Variants in IL1RAPL2 observed in about 807,000 individuals in gnomAD.
IL1RAPL2 encodes X-linked interleukin-1 receptor accessory protein-like 2.
A neutral mutation model predicts 44.1 loss-of-function variants in IL1RAPL2; 3 were observed. The ratio of observed to expected loss-of-function variants is 0.07; its 90% CI spans 0.03 to 0.18. The LOEUF (loss-of-function observed/expected upper bound fraction) is 0.18. Among genes scored for constraint, IL1RAPL2 ranks in the 10% least tolerant of loss-of-function variants. IL1RAPL2 has a pLI of 1.00. For missense variants in IL1RAPL2, 391 were observed against 496.4 expected (o/e 0.79, Z 2.02); for synonymous variants, 181 against 178.8 (o/e 1.01, Z -0.10).
chrX:105,300,323 G>C (rs1261032587), intron 5 of IL1RAPL2, among the ~76,000 whole-genome samples: 1 of 111,175 alleles, frequency 9.0e-6, no homozygotes, highest in Non-Finnish European at 1.9e-5. Context: ...AATCATGTCA[G>C]AAGGCAAAGT....
chrX:105,631,136 A>C (rs2037489206), intron 6 of IL1RAPL2, among the ~76,000 whole-genome samples: 1 of 111,317 alleles, frequency 9.0e-6, no homozygotes, highest in Non-Finnish European at 1.9e-5. Flanking sequence ...CCTTTTGCAC[A>C]TAAATCTAAT....
At chrX:104,647,196 GC>G in intron 1 of IL1RAPL2, 1 of 329,809 alleles carries the variant, frequency 3.0e-6, no homozygotes. Context: ...GGCAGGGTGG[GC>G]CCCCACTGGG....
intron 5 of IL1RAPL2, among the ~76,000 whole-genome samples, chrX:105,358,049 A>AG (rs1343834946): frequency 1.9e-5 from 2 of 103,290 alleles, no homozygotes; most frequent in African/African-American, 3.6e-5. Flanking sequence ...AAAAAAAAAA[A>AG]AAAAAAAAAA....
intron 6 of IL1RAPL2, among the ~76,000 whole-genome samples, chrX:105,497,423 C>A: frequency 9.0e-6 from 1 of 111,225 alleles, no homozygotes; most frequent in Admixed American, 9.5e-5. Flanking sequence ...ATCCCAGGAC[C>A]AGATGGCATT....
chrX:105,355,964 G>C (rs930018153), intron 5 of IL1RAPL2, among the ~76,000 whole-genome samples: 1 of 111,258 alleles, frequency 9.0e-6, no homozygotes, highest in African/African-American at 3.3e-5. Flanking sequence ...AGTATTGATT[G>C]TTTATAGCCT....
intron 6 of IL1RAPL2, among the ~76,000 whole-genome samples, chrX:105,712,660 C>CCATGATACT (rs2038220696): frequency 9.0e-6 from 1 of 110,933 alleles, no homozygotes; most frequent in Non-Finnish European, 1.9e-5. Flanking sequence ...AAAACTGCCC[C>CCATGATACT]CATGATACAA....
chrX:104,568,093 T>A (rs1928074172), intron 1 of IL1RAPL2, among the ~76,000 whole-genome samples: 1 of 111,381 alleles, frequency 9.0e-6, no homozygotes, highest in Non-Finnish European at 1.9e-5. Context: ...TCACAGGTGT[T>A]TTTTTTAGGG....
At chrX:105,561,827 G>A (rs1352268390) in intron 6 of IL1RAPL2, among the ~76,000 whole-genome samples, 2 of 111,825 alleles carry the variant, frequency 1.8e-5, no homozygotes, top group Non-Finnish European at 3.8e-5. Flanking sequence ...AAAAAAAGCA[G>A]GGAAGCTTTG....
intron 6 of IL1RAPL2, among the ~76,000 whole-genome samples, chrX:105,665,726 G>T (rs1163753369): frequency 1.5e-3 from 111 of 75,091 alleles, no homozygotes; most frequent in Middle Eastern, 6.9e-3. Context: ...TTTTATTTTT[G>T]TTTTTTTGTT....
intron 2 of IL1RAPL2, among the ~76,000 whole-genome samples, chrX:105,144,785 A>G (rs1223451199): frequency 9.0e-6 from 1 of 111,435 alleles, no homozygotes; most frequent in African/African-American, 3.3e-5. Context: ...AACTGCTAAA[A>G]TTGTATTGGT....
intron 2 of IL1RAPL2, among the ~76,000 whole-genome samples, chrX:105,160,487 A>G (rs932242851): frequency 9.0e-6 from 1 of 111,602 alleles, no homozygotes; most frequent in African/African-American, 3.3e-5. Flanking sequence ...ATTATGTGTA[A>G]TATATATTTT....
chrX:105,675,869 T>C (rs1386335621), intron 6 of IL1RAPL2, among the ~76,000 whole-genome samples: 3 of 112,091 alleles, frequency 2.7e-5, no homozygotes, highest in Non-Finnish European at 3.8e-5. Context: ...GGATTCAACC[T>C]ATTCCTGGTT....
At chrX:105,352,980 G>A (rs1261977027) in intron 5 of IL1RAPL2, among the ~76,000 whole-genome samples, 25 of 110,917 alleles carry the variant, frequency 2.3e-4, no homozygotes, top group Non-Finnish European at 3.4e-4. Context: ...CATTGCTTTT[G>A]GTGTTTTTGT....
At position 105,522,639 on chromosome X, in the gene IL1RAPL2, G is replaced by C. The variant is rs1047734100; in HGVS notation, c.772+38252G>C. On this transcript the variant is annotated intron_variant, in intron 6 of 10. Transcript: ENST00000372582. ...TTATAATCAATGGGGAGCTTTAAAA[G>C]GTATTCTTGACTTGATCTTACATCC... Among the ~76,000 whole-genome samples, 6 of 111,993 alleles carry C rather than the reference G, an allele frequency of 5.4e-5. No homozygotes were observed. In the Admixed American group the frequency reaches 5.7e-4, roughly 11 times the overall value.
chrX:104,843,720 C>T (rs1351742954), intron 2 of IL1RAPL2, among the ~76,000 whole-genome samples: 1 of 108,988 alleles, frequency 9.2e-6, no homozygotes, highest in Non-Finnish European at 1.9e-5. Flanking sequence ...CCATGAGTTG[C>T]ACCCACTGCC....
chrX:104,582,692 TTC>T (rs201958180), intron 1 of IL1RAPL2, among the ~76,000 whole-genome samples: 90 of 98,349 alleles, frequency 9.2e-4, no homozygotes, highest in African/African-American at 3.1e-3. Context: ...CTTTCTTTCT[TTC>T]TCTCTCTCTC....
chrX:104,613,102 A>G (rs1394813384), intron 1 of IL1RAPL2, among the ~76,000 whole-genome samples: 1 of 112,275 alleles, frequency 8.9e-6, no homozygotes, highest in Non-Finnish European at 1.9e-5. Flanking sequence ...TAGGTATAGA[A>G]TTATATCATC....
intron 1 of IL1RAPL2, among the ~76,000 whole-genome samples, chrX:104,646,256 A>G (rs1195902359): frequency 9.1e-6 from 1 of 110,039 alleles, no homozygotes; most frequent in Non-Finnish European, 1.9e-5. Context: ...TAGGATAAAC[A>G]TTTTAAAATC....
chrX:104,919,168 A>G (rs1439896265), intron 2 of IL1RAPL2, among the ~76,000 whole-genome samples: 1 of 110,553 alleles, frequency 9.0e-6, no homozygotes, highest in African/African-American at 3.3e-5. Context: ...CTTATGCTAC[A>G]CTTCAGGTCC....
Sources: gnomAD v4.1 joint callset for allele counts (sites outside exome capture counted in the v4.1 genomes callset) on GRCh38, gnomAD v4.1.1 for gene constraint, MANE v1.5 for transcripts, NCBI Gene and HGNC (gene_info 2026-07-23, HGNC 2026-07-21) for gene names.